The following GALNT13 variants were observed in gnomAD, a reference collection of about 807,000 sequenced individuals.
The protein encoded by GALNT13 is polypeptide N-acetylgalactosaminyltransferase 13.
Under a neutral mutation model 64.2 loss-of-function variants are expected in GALNT13, and 28 were observed. That is an observed-to-expected ratio of 0.44 (90% CI 0.32 to 0.60). GALNT13 has a LOEUF of 0.60. GALNT13 is among the 20% of genes least tolerant of loss of function. The pLI is 0.05. For synonymous variants in GALNT13, 214 were observed against 224.6 expected, an observed-to-expected ratio of 0.95 and a Z score of 0.42; for missense variants, 577 against 669.8, an observed-to-expected ratio of 0.86 and a Z score of 1.53.
chr2:154,106,975 G>A lies in GALNT13; in HGVS notation c.143-33362G>A, dbSNP rs1454891366. On this transcript the variant is annotated intron_variant, in intron 3 of 12. Transcript: ENST00000392825. ...ATAGATTAATGTCTTCCATTAGAGA[G>A]TGAGTGAGTTCTCACTCTATTAGTT... 5.9e-5 allele frequency among the ~76,000 whole-genome samples: 9 copies of A among 152,132 alleles called. 1 individual carries two copies. The highest frequency in any genetic ancestry group is 1.3e-4 in the Non-Finnish European group (9 of 67,996).
chr2:153,356,302 A>G, the GALNT13 span, among the ~76,000 whole-genome samples: 2 of 152,230 alleles, frequency 1.3e-5, no homozygotes, highest in African/African-American at 4.8e-5. Context: ...AAAACTTGAC[A>G]TTGTTAAAGG....
the GALNT13 span, among the ~76,000 whole-genome samples, chr2:153,264,446 C>G: frequency 6.6e-6 from 1 of 152,080 alleles, no homozygotes; most frequent in South Asian, 2.1e-4. Flanking sequence ...GGTATATACC[C>G]AAAGGAATAT....
intron 4 of GALNT13, among the ~76,000 whole-genome samples, chr2:154,171,971 T>C (rs911290529): frequency 3.7e-4 from 54 of 144,216 alleles, no homozygotes; most frequent in Non-Finnish European, 5.8e-4. Flanking sequence ...TTCTTTCTCA[T>C]ACACACACAC....
the GALNT13 span, among the ~76,000 whole-genome samples, chr2:153,124,908 G>A: frequency 2.0e-5 from 3 of 152,142 alleles, no homozygotes; most frequent in South Asian, 2.1e-4. Context: ...GAACCCAATA[G>A]TTTCATGGTG....
the GALNT13 span, among the ~76,000 whole-genome samples, chr2:153,326,209 T>A: frequency 6.6e-6 from 1 of 152,220 alleles, no homozygotes. Flanking sequence ...TCTTGTTGCA[T>A]TGATGCGTTT....
chr2:153,869,954 C>G (rs1685820559), upstream of GALNT13, among the ~76,000 whole-genome samples: 1 of 152,042 alleles, frequency 6.6e-6, no homozygotes, highest in Non-Finnish European at 1.5e-5. Flanking sequence ...ACGACTACTG[C>G]TAGCCTATTG....
the GALNT13 span, among the ~76,000 whole-genome samples, chr2:153,133,322 C>A: frequency 6.6e-6 from 1 of 152,014 alleles, no homozygotes; most frequent in South Asian, 2.1e-4. Context: ...CCCCAGAGAA[C>A]CTCCAAGGGG....
the GALNT13 span, among the ~76,000 whole-genome samples, chr2:153,534,349 G>GT: frequency 0.01 from 1,589 of 151,888 alleles, 24 homozygotes; most frequent in African/African-American, 0.036. Flanking sequence ...TTAGGTCTCA[G>GT]TTTTTTTTCA....
At chr2:153,133,266 A>G in the GALNT13 span, among the ~76,000 whole-genome samples, 1 of 152,074 alleles carries the variant, frequency 6.6e-6, no homozygotes, top group Non-Finnish European at 1.5e-5. Flanking sequence ...TTAATGGAAC[A>G]TGTTTTTTCT....
chr2:153,114,293 G>C, the GALNT13 span, among the ~76,000 whole-genome samples: 4 of 152,166 alleles, frequency 2.6e-5, no homozygotes, highest in East Asian at 5.8e-4. Flanking sequence ...TTCTCTCCCT[G>C]AGGCTGCTCT....
At chr2:153,611,560 C>T in the GALNT13 span, among the ~76,000 whole-genome samples, 76 of 151,778 alleles carry the variant, frequency 5.0e-4, no homozygotes, top group Non-Finnish European at 4.4e-4. Context: ...GGGGTTTCAC[C>T]GTGTTGGCCA....
At chr2:153,944,716 A>C in intron 3 of GALNT13, 77 bp downstream of exon 3, 1 of 1,300,640 alleles carries the variant, frequency 7.7e-7, no homozygotes, top group Non-Finnish European at 1.1e-6. Flanking sequence ...AAACTTCAGA[A>C]TCAGAAGAGT....
At chr2:153,815,224 T>A in the GALNT13 span, among the ~76,000 whole-genome samples, 1 of 152,210 alleles carries the variant, frequency 6.6e-6, no homozygotes. Flanking sequence ...GTTATTTATA[T>A]TCTAGTTCTG....
chr2:154,455,345 G>A (rs141560021), downstream of GALNT13, among the ~76,000 whole-genome samples: 12 of 152,254 alleles, frequency 7.9e-5, no homozygotes, highest in East Asian at 2.3e-3. Context: ...AAACATGTAT[G>A]CATTCTTAAG....
chr2:154,068,340 G>A (rs558366253), intron 3 of GALNT13, among the ~76,000 whole-genome samples: 10 of 151,990 alleles, frequency 6.6e-5, no homozygotes, highest in African/African-American at 2.4e-4. Context: ...TCTGCCATAT[G>A]ATCCTGCAAT....
the GALNT13 span, chr2:153,478,586 G>T: frequency 6.6e-7 from 1 of 1,525,712 alleles, no homozygotes. Flanking sequence ...GGCGGGCGCC[G>T]CGAGCGGCGC....
intron 10 of GALNT13, among the ~76,000 whole-genome samples, chr2:154,398,216 C>A (rs1699144034): frequency 6.6e-6 from 1 of 151,966 alleles, no homozygotes; most frequent in African/African-American, 2.4e-5. Context: ...GTCAGTGGAC[C>A]CAAATCATTA....
chr2:153,328,195 T>C, the GALNT13 span, among the ~76,000 whole-genome samples: 47 of 152,158 alleles, frequency 3.1e-4, no homozygotes, highest in Non-Finnish European at 2.2e-4. Context: ...TGAGGGGCAG[T>C]TGCCAGATGC....
the GALNT13 span, among the ~76,000 whole-genome samples, chr2:153,804,643 T>A: frequency 2.0e-5 from 3 of 151,912 alleles, no homozygotes; most frequent in South Asian, 2.1e-4. Flanking sequence ...TGTTTAACTA[T>A]TTTTTTTCTT....
Sources: allele counts gnomAD v4.1 joint callset (sites outside exome capture counted in the v4.1 genomes callset), GRCh38; gene constraint gnomAD v4.1.1; transcripts MANE v1.5; gene names NCBI Gene and HGNC (gene_info 2026-07-23, HGNC 2026-07-21).